The following KHDRBS3 variants were observed in gnomAD, a reference collection of about 807,000 sequenced individuals.
KHDRBS3 encodes the protein KH domain-containing, RNA-binding, signal transduction-associated protein 3.
KHDRBS3 carries 23 observed loss-of-function variants against 45.6 expected under a neutral mutation model. The observed-to-expected ratio is 0.50, with a 90% CI of 0.36 to 0.72. The LOEUF (loss-of-function observed/expected upper bound fraction) is 0.72. Ranked by LOEUF, KHDRBS3 falls within the 30% of genes least tolerant of loss-of-function variation. KHDRBS3 has a pLI of 0.00. For synonymous variants in KHDRBS3, 162 were observed against 156.5 expected (o/e 1.04, Z -0.26); for missense variants, 352 against 424.8 (o/e 0.83, Z 1.51).
chr8:135,493,639 T>C (rs1251830306), intron 1 of KHDRBS3, among the ~76,000 whole-genome samples: 2 of 152,198 alleles, frequency 1.3e-5, no homozygotes, highest in Non-Finnish European at 1.5e-5. Context: ...TGAGCCACAC[T>C]AGGTGATCAT....
Position 135,457,934 on chromosome 8 carries a change from C to G in KHDRBS3, c.68C>G (p.Ala23Gly). Residue 23 changes from alanine to glycine, a missense_variant, in exon 1 of 9, where the codon GCC (alanine) becomes GGC (glycine). By Grantham distance (60) the Ala-to-Gly change is moderately conservative. Transcript: ENST00000355849. The surrounding 1 kb of genome is among the most constrained non-coding windows in gnomAD (Gnocchi z 4.4). ...KDSLDPSFTH[A>G]LRLVNQEIEK... ...TCCCTGGACCCCTCCTTCACGCACG[C>G]CCTGCGCCTGGTGAACCAAGGTGAG... 6.2e-7 allele frequency: 1 copy of G among 1,600,400 alleles called. No homozygotes were observed. Among genetic ancestry groups the G allele is most frequent in the African/African-American group, 1.4e-5 (1 of 74,056 alleles).
chr8:135,615,574 A>G (rs1829882995), intron 7 of KHDRBS3, among the ~76,000 whole-genome samples: 1 of 152,194 alleles, frequency 6.6e-6, no homozygotes, highest in Non-Finnish European at 1.5e-5. Context: ...GACGTCTCAC[A>G]ATGTGATTTC....
At chr8:135,542,462 GT>G (rs1252180984) in intron 2 of KHDRBS3, 191 bp from the exon 3 acceptor site, 5 of 500,200 alleles carry the variant, frequency 1.0e-5, no homozygotes, top group African/African-American at 9.8e-5. Context: ...ATATATCAGG[GT>G]TTTTTATTTT....
intron 1 of KHDRBS3, among the ~76,000 whole-genome samples, chr8:135,490,885 T>C (rs1258982319): frequency 6.6e-6 from 1 of 152,198 alleles, no homozygotes; most frequent in African/African-American, 2.4e-5. Context: ...GTACTCTGTA[T>C]TGTGTGCTCC....
At chr8:135,552,099 C>T (rs1416279239) in intron 4 of KHDRBS3, among the ~76,000 whole-genome samples, 1 of 152,088 alleles carries the variant, frequency 6.6e-6, no homozygotes, top group Admixed American at 6.6e-5. Flanking sequence ...CTCTGGTTGT[C>T]AGCAATTTGG....
chr8:135,572,829 T>C (rs567206771), intron 5 of KHDRBS3, among the ~76,000 whole-genome samples: 2 of 152,340 alleles, frequency 1.3e-5, no homozygotes, highest in East Asian at 1.9e-4. Flanking sequence ...TGTAAGAGAC[T>C]ATAACTGTAG....
chr8:135,642,763 A>G (rs1168097492), intron 7 of KHDRBS3, among the ~76,000 whole-genome samples: 1 of 151,620 alleles, frequency 6.6e-6, no homozygotes, highest in East Asian at 1.9e-4. Flanking sequence ...TGGAAGAAGT[A>G]TTCTAAGGAA....
intron 1 of KHDRBS3, among the ~76,000 whole-genome samples, chr8:135,475,458 C>T (rs1822234712): frequency 2.6e-5 from 4 of 151,816 alleles, no homozygotes; most frequent in South Asian, 4.2e-4. Flanking sequence ...ATTACAAGAG[C>T]CCACCACCAT....
chr8:135,558,964 T>C (rs761244708), intron 5 of KHDRBS3, among the ~76,000 whole-genome samples: 17 of 152,176 alleles, frequency 1.1e-4, no homozygotes, highest in South Asian at 4.1e-4. Context: ...CCTTGATTTG[T>C]AGGCACGTCA....
At chr8:135,645,145 A>T (rs1329296754) in intron 8 of KHDRBS3, 28 bp downstream of exon 8, 1 of 1,609,992 alleles carries the variant, frequency 6.2e-7, no homozygotes, top group South Asian at 1.1e-5. Flanking sequence ...GCATGTGAAG[A>T]GAGGGAGGAG....
intron 6 of KHDRBS3, among the ~76,000 whole-genome samples, chr8:135,605,371 C>A (rs1047938478): frequency 6.6e-6 from 1 of 152,066 alleles, no homozygotes; most frequent in Admixed American, 6.5e-5. Context: ...CATCCATCTT[C>A]AAGTTGACTG....
chr8:135,458,935 A>G, intron 1 of KHDRBS3: 1 of 456,198 alleles, frequency 2.2e-6, no homozygotes, highest in South Asian at 1.5e-5. Flanking sequence ...CCTTCCTGGG[A>G]GCAGTCTCCT....
At chr8:135,500,067 G>T (rs1823655602) in intron 1 of KHDRBS3, among the ~76,000 whole-genome samples, 2 of 152,232 alleles carry the variant, frequency 1.3e-5, no homozygotes, top group Non-Finnish European at 2.9e-5. Context: ...TTCCTGTTTA[G>T]TGATTTTTTC....
intron 1 of KHDRBS3, among the ~76,000 whole-genome samples, chr8:135,508,833 G>A (rs1389080860): frequency 2.6e-5 from 4 of 152,146 alleles, no homozygotes; most frequent in Non-Finnish European, 5.9e-5. Context: ...GGAACTCCTA[G>A]CCTCTTTTTT....
chr8:135,562,120 A>G (rs1251309468), intron 5 of KHDRBS3, among the ~76,000 whole-genome samples: 1 of 152,202 alleles, frequency 6.6e-6, no homozygotes, highest in Non-Finnish European at 1.5e-5. Flanking sequence ...GTAGTGTCCT[A>G]GGCCTTCACA....
chr8:135,605,759 T>C (rs1248005362), intron 6 of KHDRBS3, among the ~76,000 whole-genome samples: 1 of 152,214 alleles, frequency 6.6e-6, no homozygotes, highest in Non-Finnish European at 1.5e-5. Context: ...AATTCAAATA[T>C]GTGTTGTTCA....
intron 7 of KHDRBS3, among the ~76,000 whole-genome samples, chr8:135,634,744 A>G (rs557566888): frequency 6.6e-6 from 1 of 152,318 alleles, no homozygotes; most frequent in East Asian, 1.9e-4. Flanking sequence ...CTTTGTAGTC[A>G]TGGTGTTATG....
intron 1 of KHDRBS3, among the ~76,000 whole-genome samples, chr8:135,513,874 T>C (rs537289127): frequency 6.6e-6 from 1 of 152,274 alleles, no homozygotes. Flanking sequence ...CTTTTTTTTT[T>C]CCTTCATCTA....
intron 5 of KHDRBS3, among the ~76,000 whole-genome samples, chr8:135,581,093 A>G (rs1828184772): frequency 6.6e-6 from 1 of 152,176 alleles, no homozygotes. Context: ...AAGAAGGAGG[A>G]AGCTGATCTG....
Sources: gnomAD v4.1 joint callset for allele counts (sites outside exome capture counted in the v4.1 genomes callset) on GRCh38, gnomAD v4.1.1 for gene constraint, Gnocchi (gnomAD v3.1) non-coding constraint, MANE v1.5 for transcripts, NCBI Gene and HGNC (gene_info 2026-07-23, HGNC 2026-07-21) for gene names.